Variants in MRRF observed in about 807,000 individuals in gnomAD.
MRRF encodes ribosome-recycling factor, mitochondrial.
MRRF carries 18 observed loss-of-function variants against 25.1 expected under a neutral mutation model. That is an observed-to-expected ratio of 0.72 (90% CI 0.50 to 1.06). MRRF has a LOEUF of 1.06. Among genes scored for constraint, MRRF ranks in the 50% least tolerant of loss-of-function variants. The probability of loss-of-function intolerance (pLI) is 0.00; values close to 1 mark genes in which losing one functional copy is unlikely to be tolerated. For synonymous variants in MRRF, 113 were observed against 112.1 expected, an observed-to-expected ratio of 1.01 and a Z score of -0.05; for missense variants, 323 against 319.3, an observed-to-expected ratio of 1.01 and a Z score of -0.09.
chr9:122,305,117 A>C (rs1834751002), intron 5 of MRRF, among the ~76,000 whole-genome samples: 1 of 152,082 alleles, frequency 6.6e-6, no homozygotes, highest in Non-Finnish European at 1.5e-5. Flanking sequence ...AATTTTTTAA[A>C]AAAACCTTTG....
chr9:122,312,113 A>G lies in MRRF; in HGVS notation c.552-1114A>G, dbSNP rs988869840. ...AGCAGAAGTAATGGCAGCAGTGCAT[A>G]ATTTACTTGAAATAGATTACAAGAG... is the stretch of plus-strand genomic sequence containing the variant. On this transcript the variant is annotated intron_variant, in intron 5 of 6. Coordinates refer to ENST00000344641, the MANE Select transcript of MRRF (RefSeq NM_138777.5). Among the ~76,000 whole-genome samples the G allele has an allele frequency of 2.6e-5, 4 of 152,126 alleles. No homozygotes were observed. In the East Asian group the frequency reaches 5.8e-4, roughly 22 times the overall value.
Position 122,269,322 on chromosome 9 carries a change from G to A in MRRF, c.-28-1542G>A, listed in dbSNP as rs574864906. On this transcript the variant is annotated intron_variant, in intron 1 of 6. Coordinates refer to ENST00000344641, the MANE Select transcript of MRRF (RefSeq NM_138777.5). ...GAGGAAAGTGATGCTCAGAAAAGAA[G>A]AGTAAATTGCCTAAAGTTGAAATTT... Among the ~76,000 whole-genome samples, 101 of 152,246 alleles carry A rather than the reference G, an allele frequency of 6.6e-4. 1 individual carries two copies. Among genetic ancestry groups the A allele is most frequent in the African/African-American group, 2.3e-3 (97 of 41,540 alleles).
At chr9:122,308,982 G>A (rs1204377011) in intron 5 of MRRF, among the ~76,000 whole-genome samples, 1 of 152,098 alleles carries the variant, frequency 6.6e-6, no homozygotes, top group Non-Finnish European at 1.5e-5. Context: ...TGCTGTATAA[G>A]CAATCTCTAG....
intron 6 of MRRF, among the ~76,000 whole-genome samples, chr9:122,319,152 T>C (rs1333658163): frequency 4.8e-5 from 7 of 144,854 alleles, no homozygotes; most frequent in African/African-American, 1.5e-4. Flanking sequence ...TCTTTCTTTT[T>C]TTTTTTTTTT....
At chr9:122,307,740 A>G (rs774081934) in intron 5 of MRRF, among the ~76,000 whole-genome samples, 3 of 152,186 alleles carry the variant, frequency 2.0e-5, no homozygotes, top group Non-Finnish European at 4.4e-5. Context: ...TGAAGCTAAC[A>G]AGTGGCAGAG....
chr9:122,309,513 A>G (rs1490441659), intron 5 of MRRF, among the ~76,000 whole-genome samples: 1 of 152,154 alleles, frequency 6.6e-6, no homozygotes, highest in Non-Finnish European at 1.5e-5. Flanking sequence ...AGGCAACTTA[A>G]ATATCACTTA....
chr9:122,292,948 C>T (rs1833871185), intron 5 of MRRF, among the ~76,000 whole-genome samples: 1 of 152,136 alleles, frequency 6.6e-6, no homozygotes, highest in South Asian at 2.1e-4. Context: ...TTATTAAGTA[C>T]TAATGACATG....
At chr9:122,265,905 A>G (rs1165068061) in intron 1 of MRRF, 7 of 472,222 alleles carry the variant, frequency 1.5e-5, no homozygotes, top group Admixed American at 5.3e-5. Context: ...GTCAGATACT[A>G]CAAGTACCTT....
intron 4 of MRRF, among the ~76,000 whole-genome samples, chr9:122,287,755 A>G (rs113723822): frequency 0.01 from 1,540 of 152,334 alleles, 19 homozygotes; most frequent in African/African-American, 0.036. Context: ...TGGGTTTTGA[A>G]AAAATCCTTA....
chr9:122,302,941 C>T (rs1834567131), intron 5 of MRRF, among the ~76,000 whole-genome samples: 1 of 152,200 alleles, frequency 6.6e-6, no homozygotes, highest in Non-Finnish European at 1.5e-5. Flanking sequence ...TTGCATTTTC[C>T]TGATGACTGA....
Position 122,313,244 on chromosome 9 carries a change from G to A in MRRF, c.569G>A (p.Arg190Lys), listed in dbSNP as rs1311576010. The A allele has an allele frequency of 1.9e-6, 3 of 1,613,950 alleles. No individual in the cohort carries two copies. The highest frequency in any genetic ancestry group is 2.2e-5 in the South Asian group (2 of 91,078). Reference protein sequence around the residue: ...VPIPQVTREHREMLVKLAKQN... With the variant: ...VPIPQVTREHKEMLVKLAKQN... ...TTTATCAGAGTAACCAGAGAGCACA[G>A]AGAAATGCTGGTGAAACTGGCCAAA... Residue 190 changes from arginine to lysine, a missense_variant, in exon 6 of 7, where the codon AGA becomes AAA. Coordinates refer to ENST00000344641, the MANE Select transcript of MRRF (RefSeq NM_138777.5).
chr9:122,307,571 G>A (rs1368744774), intron 5 of MRRF, among the ~76,000 whole-genome samples: 1 of 152,174 alleles, frequency 6.6e-6, no homozygotes, highest in Non-Finnish European at 1.5e-5. Context: ...GCTATCCTTT[G>A]TTGAGCTCTT....
chr9:122,321,144 T>C (rs1170234207), intron 6 of MRRF, among the ~76,000 whole-genome samples: 1 of 152,248 alleles, frequency 6.6e-6, no homozygotes, highest in East Asian at 1.9e-4. Flanking sequence ...CAGTAAAATA[T>C]AACCACTATT....
intron 1 of MRRF, among the ~76,000 whole-genome samples, chr9:122,268,487 A>G (rs1426486477): frequency 6.6e-6 from 1 of 152,232 alleles, no homozygotes; most frequent in East Asian, 1.9e-4. Flanking sequence ...GGAAAAACCT[A>G]GATATAGAAA....
chr9:122,278,541 T>C (rs1234974236), intron 2 of MRRF, among the ~76,000 whole-genome samples: 2 of 152,224 alleles, frequency 1.3e-5, no homozygotes, highest in African/African-American at 4.8e-5. Flanking sequence ...GTGAGACTCA[T>C]TTAAATTTTT....
At chr9:122,305,114 T>TA (rs1197305243) in intron 5 of MRRF, among the ~76,000 whole-genome samples, 3 of 151,944 alleles carry the variant, frequency 2.0e-5, no homozygotes, top group South Asian at 2.1e-4. Context: ...GCTAATTTTT[T>TA]AAAAAAACCT....
chr9:122,322,767 G>A lies in MRRF; in HGVS notation c.*150G>A, dbSNP rs1006677707. 2.4e-5 allele frequency: 18 copies of A among 740,148 alleles called. No homozygotes were observed. Among genetic ancestry groups the A allele is most frequent in the African/African-American group, 8.7e-5 (5 of 57,642 alleles). The allele number at this position is 740,148 out of a possible 1,614,324, so 45.8% of individuals were successfully genotyped here. ...CCTTGTAAGGCCCAGCCTTCCAGGG[G>A]AACACTCAGACATGTTCATTCTCTT... On this transcript the variant is annotated 3_prime_UTR_variant, in exon 7 of 7. Coordinates refer to ENST00000344641, the MANE Select transcript of MRRF (RefSeq NM_138777.5).
Position 122,330,776 on chromosome 9 carries a change from A to T in MRRF, c.*8159A>T. 6.6e-6 allele frequency: 1 copy of T among 152,194 alleles called. No individual in the cohort carries two copies. Among genetic ancestry groups the T allele is most frequent in the Non-Finnish European group, 1.5e-5 (1 of 68,066 alleles). The allele number at this position is 152,194 out of a possible 1,614,324, so 9.4% of individuals were successfully genotyped here. On this transcript the variant is annotated 3_prime_UTR_variant, in exon 7 of 7. Coordinates refer to ENST00000344641, the MANE Select transcript of MRRF (RefSeq NM_138777.5). This position sits in a 1 kb window ranked among gnomAD's most constrained non-coding sequence, Gnocchi z 4.2. Reference sequence around the variant, plus strand: ...GAAACCCCATCTCTACTAAAAATAAAAAATTTAGCCAGGTGTGGTGGCGGG... The same window carrying T: ...GAAACCCCATCTCTACTAAAAATAATAAATTTAGCCAGGTGTGGTGGCGGG...
At chr9:122,311,544 A>C (rs1757429241) in intron 5 of MRRF, among the ~76,000 whole-genome samples, 1 of 152,332 alleles carries the variant, frequency 6.6e-6, no homozygotes, top group African/African-American at 2.4e-5. Context: ...TTAAGGCCAA[A>C]TTACCTATAT....
Sources: allele counts gnomAD v4.1 joint callset (sites outside exome capture counted in the v4.1 genomes callset), GRCh38; gene constraint gnomAD v4.1.1; non-coding constraint Gnocchi (gnomAD v3.1); transcripts MANE v1.5; gene names NCBI Gene and HGNC (gene_info 2026-07-23, HGNC 2026-07-21).